The following TMEM232 variants were observed in gnomAD, a reference collection of about 807,000 sequenced individuals.
TMEM232 encodes transmembrane protein 232.
A neutral mutation model predicts 78.8 loss-of-function variants in TMEM232; 80 were observed. The ratio of observed to expected loss-of-function variants is 1.01; its 90% CI spans 0.85 to 1.22. The LOEUF is 1.22. Ranked by LOEUF, TMEM232 falls within the 50% of genes most tolerant of loss-of-function variation. The pLI is 0.00. For missense variants in TMEM232, 881 were observed against 742.2 expected (o/e 1.19, Z -2.17); for synonymous variants, 297 against 254.3 (o/e 1.17, Z -1.60).
chr5:110,391,008 C>T (rs1755156412), intron 3 of TMEM232, among the ~76,000 whole-genome samples: 1 of 152,204 alleles, frequency 6.6e-6, no homozygotes, highest in South Asian at 2.1e-4. Flanking sequence ...AGTGGGGTTT[C>T]TTCAAGACAC....
Position 110,667,505 on chromosome 5 carries a change from TTAAA to T in TMEM232, c.-12-145_-12-142del, listed in dbSNP as rs1790747039. Reference sequence around the variant, plus strand: ...GAATAATTCTATATTAAGGAAGAATTTAAATAAATAAGTAAACCATAAGGATATG... The same window carrying T: ...GAATAATTCTATATTAAGGAAGAATTTAAATAAGTAAACCATAAGGATATG... On this transcript the variant is annotated intron_variant, in intron 1 of 13. Transcript: ENST00000455884. 1.3e-5 allele frequency: 8 copies of T among 602,688 alleles called. No individual in the cohort carries two copies. The South Asian group carries it at 1.3e-4, about 10-fold the overall frequency. 37.3% of individuals were successfully genotyped at this position (602,688 alleles called of 1,614,324 possible).
At chr5:110,459,924 T>G (rs189517003) in intron 12 of TMEM232, among the ~76,000 whole-genome samples, 1 of 152,292 alleles carries the variant, frequency 6.6e-6, no homozygotes, top group African/African-American at 2.4e-5. Context: ...AAGCTGAGTT[T>G]CATTCTACAA....
intron 12 of TMEM232, among the ~76,000 whole-genome samples, chr5:110,516,338 T>A (rs1262124313): frequency 6.6e-6 from 1 of 152,160 alleles, no homozygotes; most frequent in Non-Finnish European, 1.5e-5. Flanking sequence ...AATTAGTTGT[T>A]TATAAGATTT....
chr5:110,691,145 G>GAAAAAAAAAA (rs113172226), intron 1 of TMEM232, among the ~76,000 whole-genome samples: 8 of 139,136 alleles, frequency 5.7e-5, no homozygotes, highest in Admixed American at 7.3e-5. Context: ...AAAGTATAAG[G>GAAAAAAAAAA]AAAAAAAAAA....
At chr5:110,702,761 G>A (rs1284952815) in intron 1 of TMEM232, among the ~76,000 whole-genome samples, 1 of 152,010 alleles carries the variant, frequency 6.6e-6, no homozygotes, top group Non-Finnish European at 1.5e-5. Context: ...CTATGCCATT[G>A]TGTCCCTTGT....
chr5:110,427,254 T>C (rs1757340308), intron 12 of TMEM232, among the ~76,000 whole-genome samples: 1 of 151,958 alleles, frequency 6.6e-6, no homozygotes, highest in Non-Finnish European at 1.5e-5. Flanking sequence ...TCTTCATCCG[T>C]AATACTGAAA....
chr5:110,682,334 G>T (rs1480847744), intron 1 of TMEM232, among the ~76,000 whole-genome samples: 1 of 151,968 alleles, frequency 6.6e-6, no homozygotes, highest in Non-Finnish European at 1.5e-5. Flanking sequence ...TGATTGAATT[G>T]CTCTCCCTTT....
intron 8 of TMEM232, among the ~76,000 whole-genome samples, chr5:110,617,230 C>A (rs916294772): frequency 6.6e-6 from 1 of 152,078 alleles, no homozygotes; most frequent in Non-Finnish European, 1.5e-5. Context: ...GCCGAACTTG[C>A]AGAACTAGGT....
intron 12 of TMEM232, among the ~76,000 whole-genome samples, chr5:110,512,413 A>G (rs901722653): frequency 6.6e-6 from 1 of 152,184 alleles, no homozygotes; most frequent in African/African-American, 2.4e-5. Flanking sequence ...GCAGTTGGGC[A>G]TGGTTTATTT....
intron 1 of TMEM232, among the ~76,000 whole-genome samples, chr5:110,676,142 T>C (rs1246555499): frequency 6.6e-6 from 1 of 152,232 alleles, no homozygotes; most frequent in Non-Finnish European, 1.5e-5. Context: ...TAGGTATATA[T>C]ACTACATTTT....
chr5:110,454,078 T>A (rs1161779941), intron 12 of TMEM232, among the ~76,000 whole-genome samples: 1 of 152,116 alleles, frequency 6.6e-6, no homozygotes, highest in African/African-American at 2.4e-5. Flanking sequence ...AGTTCAACAA[T>A]CCTCTCTTGG....
intron 2 of TMEM232, among the ~76,000 whole-genome samples, chr5:110,662,179 G>A (rs983763195): frequency 1.3e-5 from 2 of 151,734 alleles, no homozygotes; most frequent in Admixed American, 1.3e-4. Flanking sequence ...TCTCTTTTCT[G>A]GTAAAAGTTA....
rs550789616 is a variant in TMEM232 at position 110,478,160 on chromosome 5, G to A, written c.1703+50428C>T. Among the ~76,000 whole-genome samples the A allele has an allele frequency of 8.6e-5, 13 of 151,910 alleles. No homozygotes were observed. The South Asian group carries it at 1.7e-3, about 19-fold the overall frequency. ...ATCCCACGCTATGAATTTTTCCTGCGTTAATCATCAACATCGACCCAGTTT... is the reference window on the plus strand; with the variant it reads ...ATCCCACGCTATGAATTTTTCCTGCATTAATCATCAACATCGACCCAGTTT... On this transcript the variant is annotated intron_variant, in intron 12 of 13. Transcript: ENST00000455884.
At chr5:110,731,478 C>A (rs1162105726), upstream of TMEM232, among the ~76,000 whole-genome samples, 2 of 152,250 alleles carry the variant, frequency 1.3e-5, no homozygotes, top group Non-Finnish European at 2.9e-5. Context: ...TTTGCCTGGG[C>A]ACCCAGGTGT....
intron 1 of TMEM232, among the ~76,000 whole-genome samples, chr5:110,684,612 G>A (rs757640516): frequency 6.6e-6 from 1 of 152,244 alleles, no homozygotes; most frequent in East Asian, 1.9e-4. Flanking sequence ...AGGAGTTCGA[G>A]TTATTCTTTT....
intron 10 of TMEM232, among the ~76,000 whole-genome samples, chr5:110,599,296 A>G (rs1780590992): frequency 6.6e-6 from 1 of 152,176 alleles, no homozygotes; most frequent in African/African-American, 2.4e-5. Context: ...CATCATGAAG[A>G]CAGGATCAAA....
At chr5:110,719,274 T>C (rs1797346756) in intron 1 of TMEM232, among the ~76,000 whole-genome samples, 1 of 152,018 alleles carries the variant, frequency 6.6e-6, no homozygotes. Context: ...GTGCTGTATA[T>C]ATATATACAC....
intron 11 of TMEM232, among the ~76,000 whole-genome samples, chr5:110,530,533 A>T (rs1280409153): frequency 6.6e-6 from 1 of 152,240 alleles, no homozygotes; most frequent in East Asian, 1.9e-4. Flanking sequence ...ACAATGGGAT[A>T]GTATTGAGCC....
intron 11 of TMEM232, among the ~76,000 whole-genome samples, chr5:110,555,075 G>A (rs1013973071): frequency 6.6e-6 from 1 of 151,954 alleles, no homozygotes; most frequent in Admixed American, 6.6e-5. Flanking sequence ...GTTTGCTCTT[G>A]TTTTTCTAGT....
Sources: gnomAD v4.1 joint callset for allele counts (sites outside exome capture counted in the v4.1 genomes callset) on GRCh38, gnomAD v4.1.1 for gene constraint, MANE v1.5 for transcripts, NCBI Gene and HGNC (gene_info 2026-07-23, HGNC 2026-07-21) for gene names.